The following XPO6 variants were observed in gnomAD, a reference collection of about 807,000 sequenced individuals.
The protein encoded by XPO6 is exportin 6, also known as exportin-6.
XPO6 carries 3 observed loss-of-function variants against 130.0 expected under a neutral mutation model. That is an observed-to-expected ratio of 0.02 (90% confidence interval 0.01 to 0.06). The LOEUF (loss-of-function observed/expected upper bound fraction) is 0.06. XPO6 is among the 10% of genes least tolerant of loss of function. The pLI, the probability that XPO6 is intolerant of heterozygous loss-of-function variation, is 1.00. For missense variants in XPO6, 970 were observed against 1,393.0 expected (o/e 0.70, Z 4.83); for synonymous variants, 524 against 548.9 (o/e 0.95, Z 0.63).
At chr16:28,116,448 C>T (rs929811994) in intron 15 of XPO6, among the ~76,000 whole-genome samples, 8 of 148,044 alleles carry the variant, frequency 5.4e-5, no homozygotes, top group Non-Finnish European at 8.9e-5. Flanking sequence ...GGCGACAGAG[C>T]GAGACTCCAT....
chr16:28,111,563 TAGGGC>T, intron 17 of XPO6: 2 of 393,726 alleles, frequency 5.1e-6, no homozygotes, highest in African/African-American at 2.0e-5. Context: ...CATTTTTTCT[TAGGGC>T]TCCAGCATTT....
chr16:28,126,155 A>T (rs2087402312), intron 12 of XPO6, among the ~76,000 whole-genome samples: 1 of 152,192 alleles, frequency 6.6e-6, no homozygotes, highest in Non-Finnish European at 1.5e-5. Context: ...TAAGGTCCTG[A>T]CACCATCACT....
Position 28,101,521 on chromosome 16 carries a change from G to C in XPO6, c.3213C>G (p.Thr1071=), listed in dbSNP as rs766520438. The C allele has an allele frequency of 2.5e-6, 4 of 1,614,112 alleles. No homozygotes were observed. The African/African-American group carries it at 5.3e-5, about 22-fold the overall frequency. Residue 1071 remains threonine, a synonymous_variant, in exon 23 of 24, where the codon ACC becomes ACG. Coordinates refer to ENST00000304658, the MANE Select transcript of XPO6 (RefSeq NM_015171.4). The surrounding 1 kb of genome is among the most constrained non-coding windows in gnomAD (Gnocchi z 5.4). ...FFAAFLPEFL[T]SCDGVDANQK... ...GGTTGGCATCCACACCATCACAGCT[G>C]GTCAGGAACTCTGGGAGGAAGGCGG...
chr16:28,149,906 A>G (rs775340233), intron 8 of XPO6, among the ~76,000 whole-genome samples: 4 of 152,242 alleles, frequency 2.6e-5, no homozygotes, highest in Non-Finnish European at 5.9e-5. Flanking sequence ...TAAAGCTATG[A>G]GAGAGTAAGA....
intron 21 of XPO6, among the ~76,000 whole-genome samples, chr16:28,103,282 T>C (rs1445369027): frequency 6.6e-6 from 1 of 152,206 alleles, no homozygotes; most frequent in Non-Finnish European, 1.5e-5. Flanking sequence ...CCTGACAGAA[T>C]GCATGTGAAA....
chr16:28,176,103 A>C lies in XPO6; in HGVS notation c.208-8T>G. 6.2e-7 allele frequency: 1 copy of C among 1,613,934 alleles called. No homozygotes were observed. Among genetic ancestry groups the C allele is most frequent in the Non-Finnish European group, 8.5e-7 (1 of 1,179,906 alleles). On this transcript the variant is annotated splice_polypyrimidine_tract_variant and splice_region_variant and intron_variant, in intron 3 of 23. Transcript: ENST00000304658. ...CATTTTATTGATCAGATTCTGAAAA[A>C]CAAATATACATCTTTTAAGTTAACA... is the stretch of plus-strand genomic sequence containing the variant.
intron 7 of XPO6, among the ~76,000 whole-genome samples, chr16:28,155,017 G>A (rs944364409): frequency 6.6e-6 from 1 of 151,970 alleles, no homozygotes; most frequent in Non-Finnish European, 1.5e-5. Context: ...CAAACATCAC[G>A]GTTTTACAAT....
intron 1 of XPO6, among the ~76,000 whole-genome samples, chr16:28,185,207 A>G (rs1174509452): frequency 2.0e-5 from 3 of 152,074 alleles, no homozygotes; most frequent in Non-Finnish European, 4.4e-5. Context: ...AACAACAACA[A>G]AAAAAAGCCA....
intron 17 of XPO6, among the ~76,000 whole-genome samples, chr16:28,108,421 G>A (rs999587009): frequency 5.3e-5 from 8 of 152,202 alleles, no homozygotes; most frequent in Admixed American, 2.6e-4. Flanking sequence ...TGTGCCATGG[G>A]CAGGACCCTC....
In XPO6 at chr16:28,101,741, G is replaced by A. The variant is rs984715364; in HGVS notation, c.3046-53C>T. On this transcript the variant is annotated intron_variant, in intron 22 of 23. Transcript: ENST00000304658. The surrounding 1 kb of genome is among the most constrained non-coding windows in gnomAD (Gnocchi z 5.4). ...CAGCCAGCCCCCAGGGGCCTGTCCC[G>A]GGTCCCATCCACTTTCTGTCACACT... The A allele has an allele frequency of 1.2e-5, 19 of 1,583,488 alleles. No homozygotes were observed. Among genetic ancestry groups the A allele is most frequent in the Middle Eastern group, 1.7e-4 (1 of 5,956 alleles).
chr16:28,197,144 C>T (rs1006075154), intron 1 of XPO6, among the ~76,000 whole-genome samples: 6 of 151,874 alleles, frequency 4.0e-5, no homozygotes, highest in African/African-American at 9.7e-5. Flanking sequence ...CCCAGCTACT[C>T]GGGAGGCTGA....
chr16:28,154,255 T>TAAAAAAAA lies in XPO6; in HGVS notation c.1098-1478_1098-1471dup, dbSNP rs11284457. ...TGCACTCAATTCCCTACTACCCATT[T>TAAAAAAAA]AAAAAAAAAAAAAAAAAAAAAAAAG... On this transcript the variant is annotated intron_variant, in intron 7 of 23. Coordinates refer to ENST00000304658, the MANE Select transcript of XPO6 (RefSeq NM_015171.4). The TAAAAAAAA allele has an allele frequency of 1.0e-4, 84 of 811,840 alleles. 1 individual carries two copies. The African/African-American group carries it at 2.3e-3, about 23-fold the overall frequency. The allele number at this position is 811,840 out of a possible 1,614,324, so 50.3% of individuals were successfully genotyped here. A position where few individuals can be genotyped will look rare whatever the true frequency, so the allele number is the denominator to read the frequency against.
intron 1 of XPO6, among the ~76,000 whole-genome samples, chr16:28,191,281 T>G (rs929607186): frequency 6.6e-6 from 1 of 152,204 alleles, no homozygotes; most frequent in Non-Finnish European, 1.5e-5. Flanking sequence ...TCAGAAGGCT[T>G]AATTAAACAG....
At chr16:28,191,028 A>C (rs1389866396) in intron 1 of XPO6, among the ~76,000 whole-genome samples, 5 of 152,214 alleles carry the variant, frequency 3.3e-5, no homozygotes, top group Non-Finnish European at 5.9e-5. Context: ...AGTTTTTAAA[A>C]TACCATCCAC....
chr16:28,116,419 G>A (rs1160645653), intron 15 of XPO6, among the ~76,000 whole-genome samples: 3 of 148,288 alleles, frequency 2.0e-5, no homozygotes, highest in Non-Finnish European at 3.0e-5. Context: ...CCAAGATCAC[G>A]CCACTGCACT....
intron 1 of XPO6, among the ~76,000 whole-genome samples, chr16:28,186,519 T>C (rs779838663): frequency 9.9e-5 from 15 of 151,814 alleles, no homozygotes; most frequent in Non-Finnish European, 2.2e-4. Flanking sequence ...TACAGGCACA[T>C]GCCACCACAT....
Position 28,125,866 on chromosome 16 carries a change from A to T in XPO6, c.1607-18T>A, listed in dbSNP as rs370013182. ...CCTGTGTCCTGGAACACAACACGCC[A>T]GACAGTTTTTCACAGGAAGACCACG... On this transcript the variant is annotated intron_variant, in intron 12 of 23. Coordinates refer to ENST00000304658, the MANE Select transcript of XPO6 (RefSeq NM_015171.4). 6.2e-7 allele frequency: 1 copy of T among 1,608,344 alleles called. No homozygotes were observed. The highest frequency in any genetic ancestry group is 8.5e-7 in the Non-Finnish European group (1 of 1,176,998).
At chr16:28,103,116 G>C (rs2086687719) in intron 21 of XPO6, among the ~76,000 whole-genome samples, 1 of 152,124 alleles carries the variant, frequency 6.6e-6, no homozygotes, top group South Asian at 2.1e-4. Flanking sequence ...TCACAACCAA[G>C]ACAGGACACT....
At chr16:28,185,539 G>A (rs1017162914) in intron 1 of XPO6, among the ~76,000 whole-genome samples, 1 of 152,120 alleles carries the variant, frequency 6.6e-6, no homozygotes, top group African/African-American at 2.4e-5. Context: ...AATATATACT[G>A]CAATTTTAAA....
Sources: allele counts gnomAD v4.1 joint callset (sites outside exome capture counted in the v4.1 genomes callset), GRCh38; gene constraint gnomAD v4.1.1; non-coding constraint Gnocchi (gnomAD v3.1); transcripts MANE v1.5; gene names NCBI Gene and HGNC (gene_info 2026-07-23, HGNC 2026-07-21).